ASTN1: variants seen among roughly 807,000 people sequenced by gnomAD.
ASTN1 encodes the protein astrotactin-1.
In ASTN1, 41 loss-of-function variants were observed where a neutral mutation model predicts 140.7. The observed-to-expected ratio is 0.29, with a 90% CI of 0.23 to 0.38. The LOEUF (loss-of-function observed/expected upper bound fraction) is 0.38. ASTN1 is among the 10% of genes least tolerant of loss of function. The probability of loss-of-function intolerance (pLI) is 1.00; values close to 1 mark genes in which losing one functional copy is unlikely to be tolerated. For synonymous variants in ASTN1, 640 were observed against 652.2 expected (o/e 0.98, Z 0.29); for missense variants, 1,479 against 1,678.8 (o/e 0.88, Z 2.08).
intron 1 of ASTN1, among the ~76,000 whole-genome samples, chr1:177,139,760 T>A (rs1682376513): frequency 6.6e-6 from 1 of 152,164 alleles, no homozygotes; most frequent in South Asian, 2.1e-4. Flanking sequence ...TTCACTAATC[T>A]TTCTTGCTTT....
intron 1 of ASTN1, among the ~76,000 whole-genome samples, chr1:177,113,633 A>T (rs1201354703): frequency 6.6e-6 from 1 of 152,150 alleles, no homozygotes; most frequent in Non-Finnish European, 1.5e-5. Flanking sequence ...TCTCACCTAC[A>T]GTGGACTTAC....
At chr1:177,145,039 T>C (rs961833705) in intron 1 of ASTN1, among the ~76,000 whole-genome samples, 1 of 152,182 alleles carries the variant, frequency 6.6e-6, no homozygotes, top group Non-Finnish European at 1.5e-5. Context: ...TCTCTGAGTT[T>C]CTTAGTGTCT....
At position 177,031,822 on chromosome 1, in the gene ASTN1, T is replaced by G. The variant is rs375453444; in HGVS notation, c.865+634A>C. On this transcript the variant is annotated intron_variant, in intron 3 of 22. Coordinates refer to ENST00000361833, the MANE Select transcript of ASTN1 (RefSeq NM_004319.3). Reference sequence around the variant, plus strand: ...TTACTGTAAAGGAAGAGTGCAGTCTTTCTCTCTCTGCAGTTTTTGACCCTA... The same window carrying G: ...TTACTGTAAAGGAAGAGTGCAGTCTGTCTCTCTCTGCAGTTTTTGACCCTA... Among the ~76,000 whole-genome samples, 5 of 152,308 alleles carry G rather than the reference T, an allele frequency of 3.3e-5. No individual in the cohort carries two copies. In the East Asian group the frequency reaches 7.7e-4, roughly 24 times the overall value.
chr1:176,976,565 G>A (rs930000894), intron 8 of ASTN1: 4 of 152,242 alleles, frequency 2.6e-5, no homozygotes, highest in African/African-American at 7.2e-5. Flanking sequence ...CTCCATTCAA[G>A]TCCAAGTTCT....
At chr1:176,903,811 G>A (rs1669869675) in intron 16 of ASTN1, among the ~76,000 whole-genome samples, 1 of 152,118 alleles carries the variant, frequency 6.6e-6, no homozygotes, top group Admixed American at 6.5e-5. Flanking sequence ...GAGTCTTCAA[G>A]TTCAAAATCA....
chr1:177,000,773 T>C (rs987664161), intron 8 of ASTN1, among the ~76,000 whole-genome samples: 7 of 152,210 alleles, frequency 4.6e-5, no homozygotes, highest in Non-Finnish European at 1.0e-4. Flanking sequence ...TGCATTACAA[T>C]GATGGAATGA....
At chr1:177,007,024 G>C (rs563117453) in intron 8 of ASTN1, among the ~76,000 whole-genome samples, 1 of 152,060 alleles carries the variant, frequency 6.6e-6, no homozygotes, top group African/African-American at 2.4e-5. Context: ...AACACCCAGC[G>C]GTTACTATGA....
chr1:177,151,851 G>T (rs1289863411), intron 1 of ASTN1, among the ~76,000 whole-genome samples: 5 of 152,104 alleles, frequency 3.3e-5, no homozygotes, highest in African/African-American at 9.7e-5. Context: ...AGAACATGTG[G>T]TGTAGAAGCA....
At chr1:176,996,528 T>A (rs575095605) in intron 8 of ASTN1, among the ~76,000 whole-genome samples, 66 of 152,248 alleles carry the variant, frequency 4.3e-4, no homozygotes, top group African/African-American at 1.4e-3. Flanking sequence ...GCTAAATTGG[T>A]TGAAGACTGA....
At chr1:176,877,196 G>A (rs1455667258) in intron 20 of ASTN1, among the ~76,000 whole-genome samples, 5 of 152,212 alleles carry the variant, frequency 3.3e-5, no homozygotes, top group Non-Finnish European at 5.9e-5. Flanking sequence ...CTGTGAGAAC[G>A]AAATGAGACA....
chr1:177,077,762 G>T (rs1045339946), intron 1 of ASTN1, among the ~76,000 whole-genome samples: 1 of 152,164 alleles, frequency 6.6e-6, no homozygotes, highest in Non-Finnish European at 1.5e-5. Flanking sequence ...TCTGGGGTAA[G>T]CTGCCTCCTC....
At chr1:177,123,050 G>A (rs991154600) in intron 1 of ASTN1, among the ~76,000 whole-genome samples, 9 of 152,130 alleles carry the variant, frequency 5.9e-5, no homozygotes, top group East Asian at 1.9e-4. Context: ...GTTCTGCCTC[G>A]TTTATTTTAA....
At chr1:176,882,027 T>A (rs1571451555) in intron 20 of ASTN1, among the ~76,000 whole-genome samples, 1 of 152,210 alleles carries the variant, frequency 6.6e-6, no homozygotes, top group Non-Finnish European at 1.5e-5. Flanking sequence ...AATTTTTCCA[T>A]CATGATTTAG....
At chr1:177,156,269 CAA>C (rs919683416) in intron 1 of ASTN1, among the ~76,000 whole-genome samples, 3 of 76,704 alleles carry the variant, frequency 3.9e-5, no homozygotes. Flanking sequence ...GACTCCGTCT[CAA>C]AAAAAAAAAA....
Position 177,164,403 on chromosome 1 carries a change from A to C in ASTN1, c.274T>G (p.Phe92Val). The C allele has an allele frequency of 6.2e-7, 1 of 1,604,150 alleles. No individual in the cohort carries two copies. Among genetic ancestry groups the C allele is most frequent in the South Asian group, 1.1e-5 (1 of 89,736 alleles). Residue 92 changes from phenylalanine (F) to valine (V), a missense_variant, in exon 1 of 23, where the codon TTC becomes GTC. By Grantham distance (50) the Phe-to-Val change is conservative (BLOSUM62 -1). Around this residue, in one of 3 missense-constraint regions of ASTN1, gnomAD observed 729 missense variants for 860.4 expected, o/e 0.85. Transcript: ENST00000361833. ...CTCCCCCGGGACTCACCCAGCACGAAGTAGGGCAGCTCCGTGTTCTCCAGG... is the reference window on the plus strand; with the variant it reads ...CTCCCCCGGGACTCACCCAGCACGACGTAGGGCAGCTCCGTGTTCTCCAGG... Reference protein sequence around the residue: ...DDLENTELPYFVLEISGNTED... With the variant: ...DDLENTELPYVVLEISGNTED...
chr1:177,164,363 T>C (rs757443003), intron 1 of ASTN1, 31 bp downstream of exon 1: 5 of 1,535,236 alleles, frequency 3.3e-6, no homozygotes, highest in Non-Finnish European at 4.4e-6. Context: ...GTCCAGCGCC[T>C]CCGGCCGCCT....
chr1:176,956,182 T>C (rs1672392356), intron 11 of ASTN1, among the ~76,000 whole-genome samples: 1 of 152,156 alleles, frequency 6.6e-6, no homozygotes, highest in African/African-American at 2.4e-5. Flanking sequence ...CTGACAGACC[T>C]TCCTGTTCTT....
chr1:176,961,132 A>G (rs1672641787), intron 9 of ASTN1, among the ~76,000 whole-genome samples: 1 of 152,182 alleles, frequency 6.6e-6, no homozygotes, highest in South Asian at 2.1e-4. Context: ...ATAAATAACG[A>G]TATTTCATTA....
chr1:176,858,148 C>T (rs1667868417), downstream of ASTN1, among the ~76,000 whole-genome samples: 1 of 152,122 alleles, frequency 6.6e-6, no homozygotes, highest in African/African-American at 2.4e-5. Flanking sequence ...AACATGATGT[C>T]AAAACCTGTC....
Sources: gnomAD v4.1 joint callset for allele counts (sites outside exome capture counted in the v4.1 genomes callset) on GRCh38, gnomAD v4.1.1 for gene constraint, gnomAD v4.1.1 regional missense constraint, MANE v1.5 for transcripts, NCBI Gene and HGNC (gene_info 2026-07-23, HGNC 2026-07-21) for gene names.